SLC9A9: variants seen among roughly 807,000 people sequenced by gnomAD.
SLC9A9 encodes the protein sodium/hydrogen exchanger 9.
SLC9A9 carries 62 observed loss-of-function variants against 77.8 expected under a neutral mutation model. That is an observed-to-expected ratio of 0.80 (90% CI 0.65 to 0.98). The LOEUF (loss-of-function observed/expected upper bound fraction) is 0.98, where lower values mean the gene tolerates loss of function less well. SLC9A9 is among the 50% of genes least tolerant of loss of function. The pLI is 0.00. For synonymous variants in SLC9A9, 320 were observed against 283.5 expected (o/e 1.13, Z -1.29); for missense variants, 775 against 774.9 (o/e 1.00, Z 0.00).
At chr3:143,499,390 CTTG>C (rs2035890645) in intron 9 of SLC9A9, among the ~76,000 whole-genome samples, 3 of 151,822 alleles carry the variant, frequency 2.0e-5, no homozygotes, top group African/African-American at 4.8e-5. Flanking sequence ...TTTGATGTTT[CTTG>C]TTATTATTGT....
chr3:143,352,072 C>T (rs2032469165), intron 14 of SLC9A9, among the ~76,000 whole-genome samples: 1 of 152,196 alleles, frequency 6.6e-6, no homozygotes, highest in African/African-American at 2.4e-5. Flanking sequence ...CACCCAGAGC[C>T]TGCAGTGCAC....
At chr3:143,269,665 A>G (rs1937844189) in intron 14 of SLC9A9, among the ~76,000 whole-genome samples, 1 of 152,204 alleles carries the variant, frequency 6.6e-6, no homozygotes. Context: ...GAGCTGCCTC[A>G]GGTTGCCTTA....
chr3:143,448,181 G>T (rs895782458), intron 12 of SLC9A9, among the ~76,000 whole-genome samples: 12 of 152,102 alleles, frequency 7.9e-5, no homozygotes, highest in Non-Finnish European at 1.0e-4. Context: ...TGCAAATAGG[G>T]CATAGCTCGA....
chr3:143,563,740 T>C (rs2037123966), intron 8 of SLC9A9, among the ~76,000 whole-genome samples: 1 of 152,182 alleles, frequency 6.6e-6, no homozygotes, highest in South Asian at 2.1e-4. Context: ...AATAAATCTA[T>C]TTGTTGCCAA....
At chr3:143,735,269 C>T (rs1934910398) in intron 4 of SLC9A9, among the ~76,000 whole-genome samples, 1 of 152,074 alleles carries the variant, frequency 6.6e-6, no homozygotes, top group South Asian at 2.1e-4. Context: ...TAATGTGAAG[C>T]AGCAAAGTGA....
chr3:143,503,436 C>T (rs558169252), intron 9 of SLC9A9: 24 of 356,010 alleles, frequency 6.7e-5, no homozygotes, highest in South Asian at 4.9e-4. Flanking sequence ...GAGGAGACAA[C>T]CTGGTGCTCA....
At chr3:143,348,560 T>TC (rs1298929568) in intron 14 of SLC9A9, among the ~76,000 whole-genome samples, 3 of 152,206 alleles carry the variant, frequency 2.0e-5, no homozygotes, top group Non-Finnish European at 4.4e-5. Flanking sequence ...GCTAGGCATC[T>TC]CTTTTTTTCA....
At chr3:143,733,155 G>A (rs1934851002) in intron 4 of SLC9A9, among the ~76,000 whole-genome samples, 1 of 152,024 alleles carries the variant, frequency 6.6e-6, no homozygotes, top group Admixed American at 6.6e-5. Flanking sequence ...AATGGACAAA[G>A]TTTAGAGAGA....
At chr3:143,315,278 A>C (rs758947347) in intron 14 of SLC9A9, among the ~76,000 whole-genome samples, 7 of 152,264 alleles carry the variant, frequency 4.6e-5, no homozygotes, top group Non-Finnish European at 1.0e-4. Context: ...TACTGGACAC[A>C]CATTAGCAAG....
intron 11 of SLC9A9, 108 bp from the exon 12 acceptor site, chr3:143,467,298 T>G: frequency 8.0e-7 from 1 of 1,242,514 alleles, no homozygotes; most frequent in Non-Finnish European, 1.1e-6. Context: ...ATTAATCTTT[T>G]TATTTTGAGA....
chr3:143,462,562 C>G (rs561074937), intron 12 of SLC9A9, among the ~76,000 whole-genome samples: 1 of 152,206 alleles, frequency 6.6e-6, no homozygotes, highest in South Asian at 2.1e-4. Context: ...TACCGTAATT[C>G]TAAATTCCTG....
intron 5 of SLC9A9, among the ~76,000 whole-genome samples, chr3:143,686,364 A>T (rs932829011): frequency 2.0e-5 from 3 of 152,170 alleles, no homozygotes; most frequent in African/African-American, 4.8e-5. Context: ...AAATAAATTG[A>T]TCAATAGTGA....
At chr3:143,279,776 G>A (rs1458148299) in intron 14 of SLC9A9, among the ~76,000 whole-genome samples, 1 of 152,090 alleles carries the variant, frequency 6.6e-6, no homozygotes, top group Non-Finnish European at 1.5e-5. Context: ...AGTATTTCAT[G>A]GTATATATGG....
chr3:143,521,711 G>C (rs557905191), intron 9 of SLC9A9, among the ~76,000 whole-genome samples: 1 of 151,958 alleles, frequency 6.6e-6, no homozygotes, highest in Non-Finnish European at 1.5e-5. Flanking sequence ...TTTTCCTTGG[G>C]TGGATTACTC....
chr3:143,834,824 T>C (rs1462672250), intron 1 of SLC9A9, among the ~76,000 whole-genome samples: 4 of 152,144 alleles, frequency 2.6e-5, no homozygotes, highest in Non-Finnish European at 1.5e-5. Context: ...CTTGCTGCCA[T>C]TGTGGCAGAG....
chr3:143,432,861 C>T (rs1485976680), intron 12 of SLC9A9, among the ~76,000 whole-genome samples: 1 of 152,222 alleles, frequency 6.6e-6, no homozygotes, highest in Non-Finnish European at 1.5e-5. Flanking sequence ...CTCCTGACCT[C>T]ATGATCCCCC....
intron 4 of SLC9A9, among the ~76,000 whole-genome samples, chr3:143,721,054 G>GA (rs932287608): frequency 3.3e-5 from 5 of 152,100 alleles, no homozygotes; most frequent in Admixed American, 2.6e-4. Context: ...ACAGAAAATA[G>GA]AAAAAATTAG....
intron 6 of SLC9A9, among the ~76,000 whole-genome samples, chr3:143,642,875 T>C (rs2038646032): frequency 6.6e-6 from 1 of 152,202 alleles, no homozygotes. Flanking sequence ...GAAAAGTTCT[T>C]TTTTTCCTAT....
In SLC9A9 at chr3:143,397,839, A is replaced by G. The variant is rs1353207279; in HGVS notation, c.1470-15725T>C. 2.0e-5 allele frequency among the ~76,000 whole-genome samples: 3 copies of G among 152,202 alleles called. No individual in the cohort carries two copies. In the South Asian group the frequency reaches 6.2e-4, roughly 32 times the overall value. ...GGAGCATATTCTCCCCATGAACATC[A>G]TTTACAAAATCACAAGTATACTTTG... On this transcript the variant is annotated intron_variant, in intron 12 of 15. Transcript: ENST00000316549.
Sources: gnomAD v4.1 joint callset for allele counts (sites outside exome capture counted in the v4.1 genomes callset) on GRCh38, gnomAD v4.1.1 for gene constraint, MANE v1.5 for transcripts, NCBI Gene and HGNC (gene_info 2026-07-23, HGNC 2026-07-21) for gene names.